Variants in SNX8 observed in about 807,000 individuals in gnomAD.
The protein encoded by SNX8 is sorting nexin 8.
A neutral mutation model predicts 51.6 loss-of-function variants in SNX8; 25 were observed. The observed-to-expected ratio is 0.48, with a 90% CI of 0.35 to 0.68. SNX8 has a LOEUF of 0.68. SNX8 is among the 30% of genes least tolerant of loss of function. The pLI, the probability that SNX8 is intolerant of heterozygous loss-of-function variation, is 0.00. For missense variants in SNX8, 695 were observed against 624.0 expected (o/e 1.11, Z -1.21); for synonymous variants, 324 against 277.0 (o/e 1.17, Z -1.68).
At chr7:2,268,208 G>C (rs1450682146) in intron 5 of SNX8, among the ~76,000 whole-genome samples, 1 of 143,600 alleles carries the variant, frequency 7.0e-6, no homozygotes, top group Non-Finnish European at 1.5e-5. Context: ...CATCTGGGAT[G>C]TGAGGAGCGC....
chr7:2,318,692 T>G (rs1236568066), upstream of SNX8, among the ~76,000 whole-genome samples: 1 of 149,446 alleles, frequency 6.7e-6, no homozygotes, highest in Admixed American at 6.7e-5. Context: ...GGAGACTTTG[T>G]CTCAAAAAAA....
At chr7:2,291,482 C>CA (rs1465375091) in intron 1 of SNX8, among the ~76,000 whole-genome samples, 1 of 151,952 alleles carries the variant, frequency 6.6e-6, no homozygotes, top group Non-Finnish European at 1.5e-5. Flanking sequence ...CCTGTAATCT[C>CA]AGCTACTTGG....
intron 1 of SNX8, among the ~76,000 whole-genome samples, chr7:2,330,287 G>A (rs1778707316): frequency 6.6e-6 from 1 of 150,702 alleles, no homozygotes; most frequent in Non-Finnish European, 1.5e-5. Context: ...ACAGGTGCCC[G>A]CCACCACGTC....
intron 1 of SNX8, among the ~76,000 whole-genome samples, chr7:2,344,658 C>T (rs186677878): frequency 6.6e-6 from 1 of 151,724 alleles, no homozygotes; most frequent in Admixed American, 6.6e-5. Context: ...GTGGCTCACA[C>T]CTGTAATCCC....
intron 1 of SNX8, among the ~76,000 whole-genome samples, chr7:2,291,354 T>C (rs1279493456): frequency 6.6e-6 from 1 of 151,828 alleles, no homozygotes; most frequent in African/African-American, 2.4e-5. Flanking sequence ...TCCCAGCACT[T>C]TGGGAGGCCA....
rs1795040132 is a variant in SNX8, at chr7:2,251,890, T to G, written c.*3166A>C. 1 of 152,284 alleles carries G rather than the reference T, an allele frequency of 6.6e-6. No homozygotes were observed. Among genetic ancestry groups the G allele is most frequent in the Non-Finnish European group, 1.5e-5 (1 of 68,076 alleles). The allele number at this position is 152,284 out of a possible 1,614,324, so 9.4% of individuals were successfully genotyped here. A position where few individuals can be genotyped will look rare whatever the true frequency, so the allele number is the denominator to read the frequency against. On this transcript the variant is annotated 3_prime_UTR_variant, in exon 11 of 11. Transcript: ENST00000222990. ...GCAGCCTCCTAAAGTGCTTTGGACA[T>G]GAACTGACCCGCAAAGCAAGGGCAA...
At chr7:2,305,488 C>A (rs563329850) in intron 1 of SNX8, among the ~76,000 whole-genome samples, 2 of 152,108 alleles carry the variant, frequency 1.3e-5, no homozygotes, top group East Asian at 3.9e-4. Flanking sequence ...CTCAGCCTCC[C>A]AAGTAGCTGG....
intron 3 of SNX8, among the ~76,000 whole-genome samples, chr7:2,272,470 G>C (rs1309361609): frequency 6.6e-6 from 1 of 151,786 alleles, no homozygotes; most frequent in African/African-American, 2.4e-5. Context: ...CGCCTTCCAG[G>C]TTCAAGCGAT....
At chr7:2,323,072 G>C (rs1181957950) in intron 1 of SNX8, among the ~76,000 whole-genome samples, 2 of 152,054 alleles carry the variant, frequency 1.3e-5, no homozygotes, top group African/African-American at 4.8e-5. Context: ...GCTTACACCT[G>C]TAATCCCAGC....
Position 2,323,353 on chromosome 7 carries a change from C to A in SNX8, c.-66+30869G>T, listed in dbSNP as rs62442554. ...TCAAAAAAAAAAAAAAAAAAAACAA[C>A]CAAACAAACAAAAAAACTAATAATG... On this transcript the variant is annotated intron_variant, in intron 1 of 5. Coordinates refer to the SNX8 transcript ENST00000435336. Among the ~76,000 whole-genome samples the A allele has an allele frequency of 4.8e-4, 67 of 140,136 alleles. No homozygotes were observed. In the East Asian group the frequency reaches 8.2e-3, roughly 17 times the overall value. 91.9% of individuals were successfully genotyped at this position (140,136 alleles called of 152,430 possible). A position where few individuals can be genotyped will look rare whatever the true frequency, so the allele number is the denominator to read the frequency against.
rs981729533 is a variant in SNX8 at position 2,294,292 on chromosome 7, G to GA, written c.95-15988dup. Among the ~76,000 whole-genome samples the GA allele has an allele frequency of 3.6e-3, 527 of 147,244 alleles. 1 individual carries two copies. Among genetic ancestry groups the GA allele is most frequent in the African/African-American group, 0.012 (499 of 40,248 alleles). ...ATAAATAAATAAATAAGAAAAAAAAGAAAAAAAAAAGATGCTCAACCACAG... is the reference window on the plus strand; with the variant it reads ...ATAAATAAATAAATAAGAAAAAAAAGAAAAAAAAAAAGATGCTCAACCACAG... On this transcript the variant is annotated intron_variant, in intron 1 of 10. Transcript: ENST00000222990.
At chr7:2,255,251 C>A in intron 10 of SNX8, 82 bp from the exon 11 acceptor site, 9 of 902,136 alleles carry the variant, frequency 1.0e-5, no homozygotes, top group Non-Finnish European at 1.5e-5. Flanking sequence ...CCTTCGCCTG[C>A]CAGTGACAGG....
intron 1 of SNX8, among the ~76,000 whole-genome samples, chr7:2,294,665 A>G (rs1349652985): frequency 6.6e-6 from 1 of 152,176 alleles, no homozygotes; most frequent in Non-Finnish European, 1.5e-5. Flanking sequence ...TGTGAGCAGG[A>G]GCAGGAGCTG....
chr7:2,313,459 G>A (rs2115212817), intron 1 of SNX8, among the ~76,000 whole-genome samples: 1 of 151,260 alleles, frequency 6.6e-6, no homozygotes. Flanking sequence ...CCGGGAGGCG[G>A]AGGTTGCAAT....
intron 1 of SNX8, among the ~76,000 whole-genome samples, chr7:2,305,396 C>T (rs991913858): frequency 2.0e-5 from 3 of 152,168 alleles, no homozygotes; most frequent in Admixed American, 1.3e-4. Flanking sequence ...TAAAGTCTTG[C>T]TCTGTTGCCC....
chr7:2,279,993 T>G (rs1795874198), intron 1 of SNX8, among the ~76,000 whole-genome samples: 1 of 152,162 alleles, frequency 6.6e-6, no homozygotes, highest in African/African-American at 2.4e-5. Flanking sequence ...CCCCAGTGTG[T>G]TCACAGTGAA....
intron 1 of SNX8, among the ~76,000 whole-genome samples, chr7:2,296,628 A>C (rs575958425): frequency 6.6e-6 from 1 of 152,072 alleles, no homozygotes; most frequent in East Asian, 1.9e-4. Flanking sequence ...AATGTGATGT[A>C]ACATTAAGAT....
At chr7:2,328,198 C>T (rs1038432508) in intron 1 of SNX8, among the ~76,000 whole-genome samples, 4 of 152,042 alleles carry the variant, frequency 2.6e-5, no homozygotes, top group Non-Finnish European at 2.9e-5. Flanking sequence ...ACTACAGGCA[C>T]GTGTCACCAC....
chr7:2,336,478 G>T (rs1778832155), intron 1 of SNX8, among the ~76,000 whole-genome samples: 1 of 152,148 alleles, frequency 6.6e-6, no homozygotes, highest in Admixed American at 6.6e-5. Flanking sequence ...GGAGGCCAAG[G>T]CAGGCAGATC....
Sources: gnomAD v4.1 joint callset for allele counts (sites outside exome capture counted in the v4.1 genomes callset) on GRCh38, gnomAD v4.1.1 for gene constraint, MANE v1.5 for transcripts, NCBI Gene and HGNC (gene_info 2026-07-23, HGNC 2026-07-21) for gene names.